Variants in SEMA3A observed in about 807,000 individuals in gnomAD.
The protein encoded by SEMA3A is semaphorin-3A.
SEMA3A carries 29 observed loss-of-function variants against 97.9 expected under a neutral mutation model. The observed-to-expected ratio is 0.30, with a 90% CI of 0.22 to 0.40. The LOEUF is 0.40. SEMA3A is among the 10% of genes least tolerant of loss of function. The pLI, the probability that SEMA3A is intolerant of heterozygous loss-of-function variation, is 1.00. For synonymous variants in SEMA3A, 321 were observed against 323.7 expected (o/e 0.99, Z 0.09); for missense variants, 763 against 951.3 (o/e 0.80, Z 2.60).
At chr7:84,487,273 GC>G (rs1806599425) in intron 1 of SEMA3A, among the ~76,000 whole-genome samples, 1 of 152,182 alleles carries the variant, frequency 6.6e-6, no homozygotes, top group African/African-American at 2.4e-5. Flanking sequence ...GGGACCAAGA[GC>G]CCCCCATGCA....
rs1410249220 is a variant in SEMA3A, at chr7:84,194,681, G to A, written c.-95C>T. 1 of 747,358 alleles carries A rather than the reference G, an allele frequency of 1.3e-6. No individual in the cohort carries two copies. Among genetic ancestry groups the A allele is most frequent in the African/African-American group, 1.8e-5 (1 of 56,970 alleles). 46.3% of individuals were successfully genotyped at this position (747,358 alleles called of 1,614,324 possible). A position where few individuals can be genotyped will look rare whatever the true frequency, so the allele number is the denominator to read the frequency against. On this transcript the variant is annotated 5_prime_UTR_variant, in exon 1 of 17. Coordinates refer to ENST00000265362, the MANE Select transcript of SEMA3A (RefSeq NM_006080.3). ...AACAATCTGGAAACTGGAGGTAACA[G>A]GTGATTTAGGTCAGTTTCATTCATA...
chr7:84,091,899 G>T (rs890829471), intron 4 of SEMA3A, among the ~76,000 whole-genome samples: 3 of 152,060 alleles, frequency 2.0e-5, no homozygotes, highest in African/African-American at 7.2e-5. Flanking sequence ...ATGAACAAAT[G>T]AAATTCCATA....
chr7:83,971,235 A>G (rs1027240605), intron 15 of SEMA3A, among the ~76,000 whole-genome samples: 2 of 151,838 alleles, frequency 1.3e-5, no homozygotes, highest in Non-Finnish European at 2.9e-5. Flanking sequence ...AACCAGCCTG[A>G]CCAACGTGAT....
chr7:83,980,504 G>A (rs943593727), intron 14 of SEMA3A, among the ~76,000 whole-genome samples: 1 of 149,308 alleles, frequency 6.7e-6, no homozygotes, highest in African/African-American at 2.5e-5. Flanking sequence ...ACTCGGGAGG[G>A]TGAGACAGGA....
intron 1 of SEMA3A, among the ~76,000 whole-genome samples, chr7:84,403,482 G>A (rs533726173): frequency 7.2e-5 from 11 of 152,294 alleles, no homozygotes; most frequent in East Asian, 1.9e-4. Context: ...GGGCACAGAC[G>A]AACAAAAGAT....
chr7:84,245,465 C>T (rs145895303), intron 3 of SEMA3A, among the ~76,000 whole-genome samples: 1 of 152,004 alleles, frequency 6.6e-6, no homozygotes, highest in South Asian at 2.1e-4. Flanking sequence ...CTTCTCTAAA[C>T]TGGTTATTCT....
chr7:84,208,082 T>C (rs1234413291), intron 3 of SEMA3A, among the ~76,000 whole-genome samples: 1 of 152,190 alleles, frequency 6.6e-6, no homozygotes, highest in East Asian at 1.9e-4. Flanking sequence ...CTACATTATA[T>C]ACACACACAT....
At chr7:84,081,323 T>G (rs561310580) in intron 4 of SEMA3A, among the ~76,000 whole-genome samples, 1 of 152,060 alleles carries the variant, frequency 6.6e-6, no homozygotes, top group Non-Finnish European at 1.5e-5. Context: ...CCGGGCGCGG[T>G]GGCTCATGCC....
intron 6 of SEMA3A, among the ~76,000 whole-genome samples, chr7:84,031,663 G>A (rs559224175): frequency 2.0e-5 from 3 of 151,832 alleles, no homozygotes; most frequent in East Asian, 3.9e-4. Flanking sequence ...GAGAAACCCC[G>A]TCTCTACTAA....
At chr7:83,995,839 A>G (rs1030031395) in intron 12 of SEMA3A, among the ~76,000 whole-genome samples, 1 of 152,204 alleles carries the variant, frequency 6.6e-6, no homozygotes, top group Non-Finnish European at 1.5e-5. Context: ...AGATTCTGAC[A>G]TAGCCTATTG....
At chr7:84,214,908 C>T (rs1396471427) in intron 3 of SEMA3A, among the ~76,000 whole-genome samples, 1 of 151,330 alleles carries the variant, frequency 6.6e-6, no homozygotes, top group Non-Finnish European at 1.5e-5. Context: ...ACCATATTGG[C>T]CAGGCTGGTC....
chr7:84,240,972 A>G (rs1799347822), intron 3 of SEMA3A, among the ~76,000 whole-genome samples: 1 of 152,178 alleles, frequency 6.6e-6, no homozygotes, highest in African/African-American at 2.4e-5. Context: ...TCCATGGTGT[A>G]TGTGTGCCAC....
chr7:84,095,279 A>ATATATATGGCATATGTATATAATGCATT (rs1794726940), intron 4 of SEMA3A, among the ~76,000 whole-genome samples: 2 of 128,798 alleles, frequency 1.6e-5, no homozygotes, highest in Non-Finnish European at 3.3e-5. Flanking sequence ...ATTATGTAGC[A>ATATATATGGCATATGTATATAATGCATT]TATATATGGC....
rs35381075 is a variant in SEMA3A, at chr7:84,068,424, TAA to T, written c.454-7868_454-7867del. Among the ~76,000 whole-genome samples, 1,104 of 111,466 alleles carry T rather than the reference TAA, an allele frequency of 9.9e-3. 8 individuals are homozygous for T. Among genetic ancestry groups the T allele is most frequent in the Middle Eastern group, 0.038 (8 of 212 alleles). 73.1% of individuals were successfully genotyped at this position (111,466 alleles called of 152,430 possible). ...TGTACCCTAAAACTTAAAGTATAAT[TAA>T]AAAAAAAAAAAAACTGGAAAAAACA... On this transcript the variant is annotated intron_variant, in intron 4 of 16. Transcript: ENST00000265362.
intron 4 of SEMA3A, among the ~76,000 whole-genome samples, chr7:84,080,170 G>A (rs1204128307): frequency 3.9e-5 from 2 of 51,048 alleles, no homozygotes; most frequent in South Asian, 8.9e-4. Flanking sequence ...ACATGGACAC[G>A]GAAGGGGAAC....
intron 2 of SEMA3A, among the ~76,000 whole-genome samples, chr7:84,341,194 G>A (rs1354642264): frequency 6.6e-6 from 1 of 152,152 alleles, no homozygotes; most frequent in Non-Finnish European, 1.5e-5. Flanking sequence ...CAACCATATG[G>A]TATGCACATA....
At chr7:84,046,753 A>G (rs1562994398) in intron 5 of SEMA3A, among the ~76,000 whole-genome samples, 1 of 152,050 alleles carries the variant, frequency 6.6e-6, no homozygotes, top group African/African-American at 2.4e-5. Flanking sequence ...ATTTTCTACT[A>G]TGACCACTGA....
chr7:84,414,216 T>C (rs1430461669), intron 1 of SEMA3A, among the ~76,000 whole-genome samples: 2 of 152,132 alleles, frequency 1.3e-5, no homozygotes, highest in African/African-American at 4.8e-5. Flanking sequence ...CTGGAAGCTA[T>C]GCACCTGTGT....
At chr7:84,195,339 T>A (rs1408044038), upstream of SEMA3A, 1 of 152,264 alleles carries the variant, frequency 6.6e-6, no homozygotes, top group South Asian at 2.1e-4. Context: ...ATTTTGATTT[T>A]AAAAATCTGA....
Sources: allele counts gnomAD v4.1 joint callset (sites outside exome capture counted in the v4.1 genomes callset), GRCh38; gene constraint gnomAD v4.1.1; transcripts MANE v1.5; gene names NCBI Gene and HGNC (gene_info 2026-07-23, HGNC 2026-07-21).